Variants in CNTN1 observed in about 807,000 individuals in gnomAD.
The protein encoded by CNTN1 is contactin-1.
CNTN1 carries 38 observed loss-of-function variants against 126.4 expected under a neutral mutation model. The observed-to-expected ratio is 0.30, with a 90% CI of 0.23 to 0.39. The LOEUF (loss-of-function observed/expected upper bound fraction) is 0.39. CNTN1 is among the 10% of genes least tolerant of loss of function. CNTN1 has a pLI of 1.00. For synonymous variants in CNTN1, 413 were observed against 422.6 expected, an observed-to-expected ratio of 0.98 and a Z score of 0.28; for missense variants, 1,009 against 1,248.4, an observed-to-expected ratio of 0.81 and a Z score of 2.89.
intron 1 of CNTN1, among the ~76,000 whole-genome samples, chr12:40,906,679 G>GTTTTTTTTTTTTTTTT (rs1294983594): frequency 4.3e-5 from 5 of 116,052 alleles, no homozygotes; most frequent in African/African-American, 6.6e-5. Context: ...CTTTTTTTTT[G>GTTTTTTTTTTTTTTTT]TTTTGTTTTT....
At chr12:40,904,041 T>G (rs1041906858) in intron 1 of CNTN1, among the ~76,000 whole-genome samples, 2 of 152,146 alleles carry the variant, frequency 1.3e-5, no homozygotes, top group Non-Finnish European at 2.9e-5. Context: ...CTTTTTGAGA[T>G]GGAGTCTCGC....
chr12:40,794,439 CT>C (rs144492303), intron 1 of CNTN1, among the ~76,000 whole-genome samples: 53,348 of 146,980 alleles, frequency 0.36, 9,463 homozygotes, highest in African/African-American at 0.4. Flanking sequence ...TGAATAACTA[CT>C]TTTTTTTTTT....
intron 1 of CNTN1, among the ~76,000 whole-genome samples, chr12:40,872,571 CTTTTTTT>C (rs35866838): frequency 1.8e-5 from 2 of 108,638 alleles, no homozygotes; most frequent in Admixed American, 2.3e-4. Context: ...TTTTTTCTTT[CTTTTTTT>C]TTTTTTTTTT....
chr12:40,783,554 A>G (rs112464997), intron 1 of CNTN1, among the ~76,000 whole-genome samples: 42 of 152,202 alleles, frequency 2.8e-4, no homozygotes, highest in African/African-American at 9.9e-4. Context: ...GTAAACATCA[A>G]TTTCAATATG....
intron 16 of CNTN1, among the ~76,000 whole-genome samples, chr12:40,981,372 G>T (rs74642305): frequency 6.6e-6 from 1 of 151,952 alleles, no homozygotes; most frequent in Non-Finnish European, 1.5e-5. Flanking sequence ...CAAAATCATC[G>T]GGAAGTCTAT....
chr12:41,032,883 G>A (rs1313884199), intron 23 of CNTN1, among the ~76,000 whole-genome samples: 1 of 152,092 alleles, frequency 6.6e-6, no homozygotes, highest in Non-Finnish European at 1.5e-5. Context: ...CAGCACTTAG[G>A]GGACTATCTG....
At chr12:40,949,721 C>A (rs1018799508) in intron 14 of CNTN1, among the ~76,000 whole-genome samples, 3 of 151,026 alleles carry the variant, frequency 2.0e-5, no homozygotes, top group Non-Finnish European at 4.4e-5. Flanking sequence ...ATTGCAGGTG[C>A]CTGCCACCAC....
intron 17 of CNTN1, among the ~76,000 whole-genome samples, chr12:41,005,385 A>T (rs1306645547): frequency 3.3e-5 from 5 of 152,002 alleles, no homozygotes; most frequent in African/African-American, 1.2e-4. Flanking sequence ...TTCAATCTTT[A>T]AAAATATGAT....
At chr12:40,730,515 C>A (rs1040771862) in intron 1 of CNTN1, among the ~76,000 whole-genome samples, 1 of 152,158 alleles carries the variant, frequency 6.6e-6, no homozygotes. Flanking sequence ...CACACCTCAC[C>A]TTTACATAGT....
chr12:40,817,407 T>G (rs985100987), intron 1 of CNTN1, among the ~76,000 whole-genome samples: 2 of 152,002 alleles, frequency 1.3e-5, no homozygotes, highest in African/African-American at 4.8e-5. Flanking sequence ...TGCAATACCC[T>G]TCTTTGTCTT....
intron 1 of CNTN1, among the ~76,000 whole-genome samples, chr12:40,841,562 CAAA>C (rs1252230877): frequency 6.6e-6 from 1 of 151,838 alleles, no homozygotes; most frequent in Non-Finnish European, 1.5e-5. Context: ...AATAACATAA[CAAA>C]AAGATAATAC....
At chr12:41,018,100 A>AAT (rs1041264816) in intron 19 of CNTN1, among the ~76,000 whole-genome samples, 7 of 150,774 alleles carry the variant, frequency 4.6e-5, no homozygotes, top group African/African-American at 9.7e-5. Context: ...CAAAAAAAAA[A>AAT]AATAATAATA....
chr12:40,743,391 G>A (rs1329048657), intron 1 of CNTN1, among the ~76,000 whole-genome samples: 1 of 152,054 alleles, frequency 6.6e-6, no homozygotes, highest in African/African-American at 2.4e-5. Context: ...TAGAGGCAGG[G>A]AGATTGTTGG....
intron 14 of CNTN1, among the ~76,000 whole-genome samples, chr12:40,952,478 A>T (rs1166513593): frequency 6.6e-6 from 1 of 152,142 alleles, no homozygotes; most frequent in African/African-American, 2.4e-5. Context: ...TAGTAGTATC[A>T]GTAGTGGCAG....
intron 23 of CNTN1, among the ~76,000 whole-genome samples, chr12:41,042,445 G>A (rs1949437344): frequency 6.6e-6 from 1 of 152,046 alleles, no homozygotes; most frequent in Non-Finnish European, 1.5e-5. Context: ...GCTTGGTGCA[G>A]AGCTGAGGTC....
chr12:40,929,337 C>T (rs10879366), intron 6 of CNTN1, among the ~76,000 whole-genome samples: 91,069 of 148,560 alleles, frequency 0.61, 28,579 homozygotes, highest in African/African-American at 0.77. Context: ...AAAATAGGTG[C>T]ACACACACAC....
At chr12:41,044,973 A>C (rs1199695986) in intron 23 of CNTN1, among the ~76,000 whole-genome samples, 2 of 152,108 alleles carry the variant, frequency 1.3e-5, no homozygotes, top group African/African-American at 4.8e-5. Flanking sequence ...TGCATGAATA[A>C]ATTATTCATG....
rs551684105 is a variant in CNTN1, at chr12:40,975,752, C to T, written c.1805-5157C>T. On this transcript the variant is annotated intron_variant, in intron 15 of 23. Coordinates refer to ENST00000551295, the MANE Select transcript of CNTN1 (RefSeq NM_001843.4). Reference sequence around the variant, plus strand: ...AGAAAGGTAGCCCAAAGAAGGGTAGCAATTTGAACACTATGATTTTGAATG... The same window carrying T: ...AGAAAGGTAGCCCAAAGAAGGGTAGTAATTTGAACACTATGATTTTGAATG... Among the ~76,000 whole-genome samples the T allele has an allele frequency of 2.0e-4, 31 of 152,122 alleles. No homozygotes were observed. In the South Asian group the frequency reaches 6.4e-3, roughly 32 times the overall value.
At chr12:40,801,130 G>A (rs1182891286) in intron 1 of CNTN1, among the ~76,000 whole-genome samples, 1 of 151,592 alleles carries the variant, frequency 6.6e-6, no homozygotes, top group Non-Finnish European at 1.5e-5. Flanking sequence ...TTAGCCAAAG[G>A]TTTAAAGTTC....
Sources: gnomAD v4.1 joint callset for allele counts (sites outside exome capture counted in the v4.1 genomes callset) on GRCh38, gnomAD v4.1.1 for gene constraint, MANE v1.5 for transcripts, NCBI Gene and HGNC (gene_info 2026-07-23, HGNC 2026-07-21) for gene names.